The following TMEFF1 variants were observed in gnomAD, a reference collection of about 807,000 sequenced individuals.
TMEFF1 encodes tomoregulin-1.
In TMEFF1, 20 loss-of-function variants were observed where a neutral mutation model predicts 47.5. That is an observed-to-expected ratio of 0.42 (90% CI 0.30 to 0.61). The LOEUF is 0.61. TMEFF1 is among the 20% of genes least tolerant of loss of function. TMEFF1 has a pLI of 0.19. For missense variants in TMEFF1, 411 were observed against 471.1 expected, an observed-to-expected ratio of 0.87 and a Z score of 1.18; for synonymous variants, 162 against 166.3, an observed-to-expected ratio of 0.97 and a Z score of 0.20.
intron 2 of TMEFF1, among the ~76,000 whole-genome samples, chr9:100,501,441 A>G (rs1402279091): frequency 6.6e-6 from 1 of 151,930 alleles, no homozygotes; most frequent in Non-Finnish European, 1.5e-5. Context: ...GTGAATTAAT[A>G]TTTCATATTC....
intron 4 of TMEFF1, 128 bp downstream of exon 4, chr9:100,513,461 T>C (rs547334643): frequency 1.6e-6 from 2 of 1,212,762 alleles, no homozygotes; most frequent in African/African-American, 3.1e-5. Flanking sequence ...CCACTTGAAG[T>C]GTACAAATTC....
chr9:100,484,274 T>G (rs947534317), intron 1 of TMEFF1, among the ~76,000 whole-genome samples: 1 of 152,118 alleles, frequency 6.6e-6, no homozygotes, highest in Non-Finnish European at 1.5e-5. Flanking sequence ...TCGACTATAG[T>G]CACAAGGTTG....
At chr9:100,560,762 T>A (rs896856672) in intron 7 of TMEFF1, among the ~76,000 whole-genome samples, 1 of 152,180 alleles carries the variant, frequency 6.6e-6, no homozygotes, top group African/African-American at 2.4e-5. Flanking sequence ...GAGAGCGAAA[T>A]CTCAGGTTAT....
At chr9:100,531,390 C>T (rs932825927) in intron 5 of TMEFF1, among the ~76,000 whole-genome samples, 3 of 152,190 alleles carry the variant, frequency 2.0e-5, no homozygotes, top group African/African-American at 7.2e-5. Flanking sequence ...TCAGCAAAGT[C>T]TCAGGATACA....
chr9:100,557,201 G>T (rs1011749938), intron 7 of TMEFF1, among the ~76,000 whole-genome samples: 1 of 151,564 alleles, frequency 6.6e-6, no homozygotes, highest in African/African-American at 2.4e-5. Context: ...TATGTTTACA[G>T]AGTTGTAAAA....
At chr9:100,478,131 C>T (rs1227228175) in intron 1 of TMEFF1, among the ~76,000 whole-genome samples, 1 of 152,098 alleles carries the variant, frequency 6.6e-6, no homozygotes, top group African/African-American at 2.4e-5. Context: ...GTTACTGTCC[C>T]CTACCCATGC....
intron 5 of TMEFF1, among the ~76,000 whole-genome samples, chr9:100,541,955 AGCAACATATAGCTGGCTTTT>A (rs1323604965): frequency 3.9e-5 from 6 of 152,304 alleles, no homozygotes; most frequent in Admixed American, 2.0e-4. Context: ...GTATCTTACA[AGCAACATATAGCTGGCTTTT>A]GTATTTTTAT....
At chr9:100,550,294 T>A in intron 7 of TMEFF1, 134 bp downstream of exon 7, 1 of 716,156 alleles carries the variant, frequency 1.4e-6, no homozygotes, top group South Asian at 3.3e-5. Context: ...CACAGTTAAT[T>A]ATTAGTATTA....
Position 100,473,541 on chromosome 9 carries a change from A to G in TMEFF1, c.-4A>G. 2.0e-6 allele frequency: 3 copies of G among 1,492,404 alleles called. No homozygotes were observed. Among genetic ancestry groups the G allele is most frequent in the Non-Finnish European group, 2.7e-6 (3 of 1,122,890 alleles). The allele number at this position is 1,492,404 out of a possible 1,614,324, so 92.4% of individuals were successfully genotyped here. ...GCGCTTCCCGCCGTCCAGGGGCACC[A>G]GTCATGGGCGCCGCAGCCGCTGAGG... On this transcript the variant is annotated 5_prime_UTR_variant, in exon 1 of 10. Transcript: ENST00000374879. This position sits in a 1 kb window ranked among gnomAD's most constrained non-coding sequence, Gnocchi z 5.4.
chr9:100,536,437 T>C (rs1357092288), intron 5 of TMEFF1, among the ~76,000 whole-genome samples: 1 of 152,180 alleles, frequency 6.6e-6, no homozygotes, highest in Admixed American at 6.5e-5. Context: ...TGGCCTTTCC[T>C]TGGAAAATTG....
intron 8 of TMEFF1, among the ~76,000 whole-genome samples, chr9:100,563,167 G>T (rs1354367286): frequency 6.6e-6 from 1 of 152,160 alleles, no homozygotes; most frequent in Non-Finnish European, 1.5e-5. Context: ...TGCCCAGGCT[G>T]GTCTTGAACT....
intron 5 of TMEFF1, among the ~76,000 whole-genome samples, chr9:100,533,147 T>G (rs550630865): frequency 4.0e-4 from 60 of 149,618 alleles, no homozygotes; most frequent in African/African-American, 8.1e-4. Flanking sequence ...TAGATGACGA[T>G]TTAGTGGGTG....
At chr9:100,571,350 T>C (rs553390471) in intron 8 of TMEFF1, among the ~76,000 whole-genome samples, 89 of 123,296 alleles carry the variant, frequency 7.2e-4, no homozygotes, top group African/African-American at 2.4e-3. Flanking sequence ...AACTGACATG[T>C]CTTAGAACTG....
At chr9:100,497,323 T>TTTTTTTTTTG (rs1837669752) in intron 1 of TMEFF1, among the ~76,000 whole-genome samples, 1 of 145,686 alleles carries the variant, frequency 6.9e-6, no homozygotes, top group Non-Finnish European at 1.5e-5. Context: ...CTCATGTCTT[T>TTTTTTTTTTG]TTTTTTTTTT....
chr9:100,488,224 ATG>A (rs1368982261), intron 1 of TMEFF1, among the ~76,000 whole-genome samples: 1 of 152,198 alleles, frequency 6.6e-6, no homozygotes, highest in Non-Finnish European at 1.5e-5. Flanking sequence ...TAGTTTTACA[ATG>A]TGTTTTTTTT....
At chr9:100,475,511 C>T (rs1229212657) in intron 1 of TMEFF1, among the ~76,000 whole-genome samples, 6 of 152,080 alleles carry the variant, frequency 3.9e-5, no homozygotes, top group Admixed American at 1.3e-4. Flanking sequence ...TGTAAGTGAT[C>T]GCACCATGTC....
chr9:100,557,627 C>T (rs1312417835), intron 7 of TMEFF1, among the ~76,000 whole-genome samples: 1 of 152,120 alleles, frequency 6.6e-6, no homozygotes, highest in African/African-American at 2.4e-5. Context: ...TAAGTCCTAC[C>T]CTATCAATAA....
intron 5 of TMEFF1, among the ~76,000 whole-genome samples, chr9:100,539,564 G>T (rs574060075): frequency 2.0e-5 from 3 of 152,078 alleles, no homozygotes; most frequent in East Asian, 1.9e-4. Flanking sequence ...GGAGTTGTTC[G>T]TTCCTTCTGG....
intron 5 of TMEFF1, among the ~76,000 whole-genome samples, chr9:100,533,624 A>G (rs936572835): frequency 6.6e-5 from 10 of 151,560 alleles, no homozygotes; most frequent in Admixed American, 2.6e-4. Context: ...CTGTTGTTAT[A>G]TATTTTCCTT....
Sources: allele counts gnomAD v4.1 joint callset (sites outside exome capture counted in the v4.1 genomes callset), GRCh38; gene constraint gnomAD v4.1.1; non-coding constraint Gnocchi (gnomAD v3.1); transcripts MANE v1.5; gene names NCBI Gene and HGNC (gene_info 2026-07-23, HGNC 2026-07-21).